RNF217: variants seen among roughly 807,000 people sequenced by gnomAD.
RNF217 encodes the protein E3 ubiquitin-protein ligase RNF217.
In RNF217, 31 loss-of-function variants were observed where a neutral mutation model predicts 57.8. That is an observed-to-expected ratio of 0.54 (90% CI 0.40 to 0.72). The LOEUF is 0.72. Among genes scored for constraint, RNF217 ranks in the 30% least tolerant of loss-of-function variants. The pLI is 0.00. For synonymous variants in RNF217, 313 were observed against 294.0 expected (o/e 1.06, Z -0.66); for missense variants, 696 against 708.3 (o/e 0.98, Z 0.20).
chr6:125,071,585 A>T (rs1339157617), intron 3 of RNF217, among the ~76,000 whole-genome samples: 1 of 151,798 alleles, frequency 6.6e-6, no homozygotes, highest in Non-Finnish European at 1.5e-5. Flanking sequence ...TATCCTAGGC[A>T]CAAAAATGGC....
At chr6:125,049,811 TG>T (rs898416550) in intron 2 of RNF217, among the ~76,000 whole-genome samples, 11 of 151,642 alleles carry the variant, frequency 7.3e-5, no homozygotes, top group African/African-American at 2.4e-4. Flanking sequence ...TGGTGGACAA[TG>T]GGCAGAAAGG....
In RNF217 at chr6:125,086,655, G is replaced by A. The variant is rs1301005297; in HGVS notation, c.*3718G>A. On this transcript the variant is annotated 3_prime_UTR_variant, in exon 6 of 6. Coordinates refer to ENST00000521654, the MANE Select transcript of RNF217 (RefSeq NM_001286398.3). ...TTTATATATGTGGAGTAAGAAGAGA[G>A]GGGTCAAACCTTTTGGTACAAGCAA... 6.6e-6 allele frequency: 1 copy of A among 152,070 alleles called. No individual in the cohort carries two copies. Among genetic ancestry groups the A allele is most frequent in the Non-Finnish European group, 1.5e-5 (1 of 67,986 alleles). 9.4% of individuals were successfully genotyped at this position (152,070 alleles called of 1,614,324 possible). A position where few individuals can be genotyped will look rare whatever the true frequency, so the allele number is the denominator to read the frequency against.
rs1211866732 is a variant in RNF217 at position 125,082,635 on chromosome 6, G to A, written c.1556-229G>A. 2.6e-6 allele frequency: 4 copies of A among 1,566,192 alleles called. No homozygotes were observed. The African/African-American group carries it at 5.5e-5, about 22-fold the overall frequency. On this transcript the variant is annotated intron_variant, in intron 5 of 5. Coordinates refer to ENST00000521654, the MANE Select transcript of RNF217 (RefSeq NM_001286398.3). ...GATTTAAACCAAAGTTTTGATATTT[G>A]GATAGAAATCATTATTATTAAACTG...
chr6:125,007,009 T>A (rs1375367044), intron 1 of RNF217, among the ~76,000 whole-genome samples: 2 of 152,238 alleles, frequency 1.3e-5, no homozygotes, highest in Non-Finnish European at 2.9e-5. Flanking sequence ...GTCTGTTTTT[T>A]ATTTGTTCTG....
rs927796515 is a variant in RNF217 at position 125,089,362 on chromosome 6, G to A, written c.*6425G>A. 2.6e-5 allele frequency: 4 copies of A among 152,152 alleles called. No individual in the cohort carries two copies. The highest frequency in any genetic ancestry group is 7.2e-5 in the African/African-American group (3 of 41,442). The allele number at this position is 152,152 out of a possible 1,614,324, so 9.4% of individuals were successfully genotyped here. ...GTCATTCATTCTCCATCCAAAAAGG[G>A]TTATAGGTATGGTTTATGGTCTTTG... On this transcript the variant is annotated 3_prime_UTR_variant, in exon 6 of 6. Coordinates refer to ENST00000521654, the MANE Select transcript of RNF217 (RefSeq NM_001286398.3).
At chr6:124,985,575 A>C (rs1233012005) in intron 1 of RNF217, among the ~76,000 whole-genome samples, 1 of 152,184 alleles carries the variant, frequency 6.6e-6, no homozygotes, top group Non-Finnish European at 1.5e-5. Context: ...CTACATATTA[A>C]CATGATATAT....
At chr6:125,071,536 G>GTATA (rs566500658) in intron 3 of RNF217, among the ~76,000 whole-genome samples, 7 of 143,146 alleles carry the variant, frequency 4.9e-5, no homozygotes, top group African/African-American at 1.5e-4. Context: ...GTGTGTGTGT[G>GTATA]TATATCTTAT....
chr6:125,009,230 A>G, intron 1 of RNF217: 1 of 1,607,654 alleles, frequency 6.2e-7, no homozygotes, highest in Non-Finnish European at 8.5e-7. Flanking sequence ...GCTGTTGTAT[A>G]ATTAGTTCTC....
At chr6:124,975,590 C>T (rs747811608) in intron 1 of RNF217, among the ~76,000 whole-genome samples, 3 of 152,116 alleles carry the variant, frequency 2.0e-5, no homozygotes, top group Non-Finnish European at 2.9e-5. Flanking sequence ...ACCACCATGC[C>T]TGGCTAATTA....
At chr6:124,984,554 A>AG (rs1264878824) in intron 1 of RNF217, among the ~76,000 whole-genome samples, 1 of 87,882 alleles carries the variant, frequency 1.1e-5, no homozygotes, top group Non-Finnish European at 2.8e-5. Context: ...AAAAAAAAAA[A>AG]AAAAAAAGAA....
intron 1 of RNF217, among the ~76,000 whole-genome samples, chr6:124,998,511 T>G (rs979504331): frequency 1.3e-5 from 2 of 152,202 alleles, no homozygotes; most frequent in African/African-American, 4.8e-5. Flanking sequence ...TTAAAAACTG[T>G]GTAGAAGGCC....
At chr6:125,002,561 A>G (rs1397620249) in intron 1 of RNF217, among the ~76,000 whole-genome samples, 1 of 152,018 alleles carries the variant, frequency 6.6e-6, no homozygotes, top group Non-Finnish European at 1.5e-5. Context: ...ATCCCCAAAG[A>G]ATTTTTTTAA....
At chr6:124,983,204 C>G (rs1260749688) in intron 1 of RNF217, among the ~76,000 whole-genome samples, 1 of 152,090 alleles carries the variant, frequency 6.6e-6, no homozygotes, top group South Asian at 2.1e-4. Flanking sequence ...TGAGTGGGCC[C>G]ATAACATTTA....
chr6:125,029,617 T>C (rs1047148216), intron 1 of RNF217, among the ~76,000 whole-genome samples: 2 of 152,314 alleles, frequency 1.3e-5, no homozygotes, highest in East Asian at 3.9e-4. Flanking sequence ...CTTGCCAATT[T>C]TGAAAGACCA....
At chr6:125,002,486 C>T (rs912747822) in intron 1 of RNF217, among the ~76,000 whole-genome samples, 1 of 152,158 alleles carries the variant, frequency 6.6e-6, no homozygotes, top group African/African-American at 2.4e-5. Flanking sequence ...TTGCTTGCTT[C>T]TCTATGCTTT....
chr6:125,001,824 A>G (rs1784997750), intron 1 of RNF217, among the ~76,000 whole-genome samples: 1 of 152,192 alleles, frequency 6.6e-6, no homozygotes, highest in Non-Finnish European at 1.5e-5. Context: ...TGCTGAGTGG[A>G]ATGATTCAAA....
chr6:125,044,046 A>C (rs540117397), intron 1 of RNF217, among the ~76,000 whole-genome samples: 1 of 140,768 alleles, frequency 7.1e-6, no homozygotes, highest in African/African-American at 2.5e-5. Context: ...GTTAAAAGTT[A>C]CTATGAATTT....
At chr6:124,996,716 A>G (rs1562459363) in intron 1 of RNF217, 1 of 152,252 alleles carries the variant, frequency 6.6e-6, no homozygotes, top group East Asian at 1.9e-4. Context: ...GTAAATGATT[A>G]CAATGAGACT....
chr6:125,053,651 A>T (rs1386183267), intron 2 of RNF217, among the ~76,000 whole-genome samples: 1 of 152,020 alleles, frequency 6.6e-6, no homozygotes, highest in African/African-American at 2.4e-5. Context: ...ACTCGACTTG[A>T]TGAATTATCA....
Sources: gnomAD v4.1 joint callset for allele counts (sites outside exome capture counted in the v4.1 genomes callset) on GRCh38, gnomAD v4.1.1 for gene constraint, MANE v1.5 for transcripts, NCBI Gene and HGNC (gene_info 2026-07-23, HGNC 2026-07-21) for gene names.